Variants in NTM observed in about 807,000 individuals in gnomAD.
NTM encodes the protein IgLON family member 2.
In NTM, 13 loss-of-function variants were observed where a neutral mutation model predicts 42.1. The ratio of observed to expected loss-of-function variants is 0.31; its 90% CI spans 0.20 to 0.49. The LOEUF (loss-of-function observed/expected upper bound fraction) is 0.49. Among genes scored for constraint, NTM ranks in the 20% least tolerant of loss-of-function variants. The pLI, the probability that NTM is intolerant of heterozygous loss-of-function variation, is 0.99. For missense variants in NTM, 373 were observed against 452.8 expected (o/e 0.82, Z 1.60); for synonymous variants, 187 against 179.2 (o/e 1.04, Z -0.35).
chr11:131,757,165 A>G (rs1182570765), intron 1 of NTM, among the ~76,000 whole-genome samples: 1 of 152,178 alleles, frequency 6.6e-6, no homozygotes, highest in Non-Finnish European at 1.5e-5. Flanking sequence ...GTTTCCACCC[A>G]ATAGGCCCAG....
At chr11:132,165,304 A>G (rs926563429) in intron 3 of NTM, among the ~76,000 whole-genome samples, 15 of 152,238 alleles carry the variant, frequency 9.9e-5, no homozygotes, top group African/African-American at 3.6e-4. Context: ...AGGACTAGAG[A>G]TCGTCCTTGA....
At chr11:132,054,847 C>T (rs2079377804) in intron 2 of NTM, among the ~76,000 whole-genome samples, 1 of 152,126 alleles carries the variant, frequency 6.6e-6, no homozygotes, top group South Asian at 2.1e-4. Context: ...GCACATAATT[C>T]CCTTAGATGA....
chr11:131,997,556 C>T (rs1244203585), intron 2 of NTM, among the ~76,000 whole-genome samples: 1 of 152,136 alleles, frequency 6.6e-6, no homozygotes, highest in African/African-American at 2.4e-5. Context: ...CAGGCTGTGG[C>T]TGGATAAAAA....
At chr11:132,300,517 T>C (rs1468981665) in intron 4 of NTM, among the ~76,000 whole-genome samples, 3 of 152,202 alleles carry the variant, frequency 2.0e-5, no homozygotes, top group Non-Finnish European at 4.4e-5. Flanking sequence ...TTACAGCTGC[T>C]ATCAACTCTT....
intron 1 of NTM, among the ~76,000 whole-genome samples, chr11:131,468,991 C>T (rs1952161962): frequency 6.6e-6 from 1 of 152,230 alleles, no homozygotes; most frequent in African/African-American, 2.4e-5. Context: ...AGGCAATAAG[C>T]AGATGGAAAG....
At chr11:132,244,751 T>C (rs2090809804) in intron 4 of NTM, among the ~76,000 whole-genome samples, 1 of 152,212 alleles carries the variant, frequency 6.6e-6, no homozygotes, top group Non-Finnish European at 1.5e-5. Flanking sequence ...AGAAAGCCTG[T>C]GACCTCTGGG....
intron 2 of NTM, among the ~76,000 whole-genome samples, chr11:132,076,120 T>C (rs2058332452): frequency 6.6e-6 from 1 of 152,250 alleles, no homozygotes; most frequent in Non-Finnish European, 1.5e-5. Context: ...AACTGTAACC[T>C]GTTTTTAGCA....
intron 1 of NTM, among the ~76,000 whole-genome samples, chr11:131,827,522 T>C (rs1171188423): frequency 3.3e-5 from 5 of 152,164 alleles, no homozygotes; most frequent in African/African-American, 1.2e-4. Flanking sequence ...GGTATCCCAT[T>C]TCTGTTTAAA....
chr11:132,184,436 T>C (rs1454247499), intron 3 of NTM, among the ~76,000 whole-genome samples: 1 of 152,180 alleles, frequency 6.6e-6, no homozygotes, highest in East Asian at 1.9e-4. Flanking sequence ...CTGCTGTTTC[T>C]TTTAAGACTT....
rs528620821 is a variant in NTM at position 132,330,143 on chromosome 11, T to C, written c.935-10T>C. ...GACCTTAACAGTGGCTTGTTTTTAA[T>C]TTCTTTTAGAAGTGAAAACTACAGC... On this transcript the variant is annotated splice_polypyrimidine_tract_variant and intron_variant, in intron 7 of 8. Coordinates refer to ENST00000683400, the MANE Select transcript of NTM (RefSeq NM_001352005.2). The C allele has an allele frequency of 3.2e-6, 5 of 1,551,718 alleles. 1 individual carries two copies. The East Asian group carries it at 7.3e-5, about 23-fold the overall frequency.
intron 1 of NTM, chr11:131,539,408 G>C (rs1347247567): frequency 2.0e-5 from 3 of 152,290 alleles, no homozygotes. Flanking sequence ...ATGAACGCTT[G>C]TGCACCAATA....
chr11:132,055,148 G>C (rs1243141187), intron 2 of NTM, among the ~76,000 whole-genome samples: 1 of 152,190 alleles, frequency 6.6e-6, no homozygotes, highest in East Asian at 1.9e-4. Context: ...ATATGTGGCT[G>C]TTTCTTTGAC....
chr11:131,523,195 A>G (rs184807543), intron 1 of NTM, among the ~76,000 whole-genome samples: 16 of 152,320 alleles, frequency 1.1e-4, no homozygotes, highest in African/African-American at 3.6e-4. Context: ...TAGGTTCTAG[A>G]AAGATATTTG....
rs56032651 is a variant in NTM at position 131,401,729 on chromosome 11, A to C, written c.82+30841A>C. ...AATCATAAAGAATTTCCTCCAGATA[A>C]ATTTTACCATTGAAAACTTCTTCAT... On this transcript the variant is annotated intron_variant, in intron 1 of 8. Transcript: ENST00000683400. 7.2e-3 allele frequency among the ~76,000 whole-genome samples: 1,001 copies of C among 139,300 alleles called. 16 individuals carry two copies. Among genetic ancestry groups the C allele is most frequent in the African/African-American group, 0.026 (951 of 37,290 alleles). The allele number at this position is 139,300 out of a possible 152,430, so 91.4% of individuals were successfully genotyped here.
At chr11:131,740,981 A>C (rs914391922) in intron 1 of NTM, among the ~76,000 whole-genome samples, 5 of 152,126 alleles carry the variant, frequency 3.3e-5, no homozygotes, top group African/African-American at 1.2e-4. Context: ...CCCGACCAAC[A>C]TGGTAAAACC....
chr11:131,615,877 G>A (rs1331679714), intron 1 of NTM, among the ~76,000 whole-genome samples: 1 of 152,248 alleles, frequency 6.6e-6, no homozygotes, highest in Non-Finnish European at 1.5e-5. Context: ...GACAGCCCAT[G>A]GTTGAGGCCA....
At chr11:131,856,087 C>T (rs1464866769) in intron 1 of NTM, among the ~76,000 whole-genome samples, 1 of 152,134 alleles carries the variant, frequency 6.6e-6, no homozygotes, top group African/African-American at 2.4e-5. Context: ...TTCTAGGGCA[C>T]AATACTGTGT....
At chr11:131,887,383 T>G (rs938508891) in intron 1 of NTM, among the ~76,000 whole-genome samples, 2 of 152,200 alleles carry the variant, frequency 1.3e-5, no homozygotes, top group African/African-American at 4.8e-5. Flanking sequence ...TCTAACACAA[T>G]GAAACCCAAA....
At chr11:132,118,490 C>T (rs746329401) in intron 2 of NTM, among the ~76,000 whole-genome samples, 12 of 152,210 alleles carry the variant, frequency 7.9e-5, no homozygotes, top group Non-Finnish European at 1.5e-4. Context: ...GTGTTTTCAT[C>T]GCAATCGCAC....
Sources: allele counts gnomAD v4.1 joint callset (sites outside exome capture counted in the v4.1 genomes callset), GRCh38; gene constraint gnomAD v4.1.1; transcripts MANE v1.5; gene names NCBI Gene and HGNC (gene_info 2026-07-23, HGNC 2026-07-21).